Variants in SLC44A1 observed in about 807,000 individuals in gnomAD.
SLC44A1 encodes the protein solute carrier family 44 member 1, also known as choline transporter-like protein 1.
A neutral mutation model predicts 79.3 loss-of-function variants in SLC44A1; 26 were observed. The ratio of observed to expected loss-of-function variants is 0.33; its 90% CI spans 0.24 to 0.46. The LOEUF (loss-of-function observed/expected upper bound fraction) is 0.46. SLC44A1 is among the 20% of genes least tolerant of loss of function. The probability of loss-of-function intolerance (pLI) is 1.00; values close to 1 mark genes in which losing one functional copy is unlikely to be tolerated. For missense variants in SLC44A1, 688 were observed against 798.1 expected (o/e 0.86, Z 1.66); for synonymous variants, 263 against 286.2 (o/e 0.92, Z 0.82).
rs1826883456 is a variant in SLC44A1, at chr9:105,335,441, A to G, written c.270-122A>G. On this transcript the variant is annotated intron_variant, in intron 3 of 15. Transcript: ENST00000374720. ...GCAATTTTTTTAAAATGTATTTATG[A>G]TGAGATTTTTATCGTGGAGGAATGT... is the stretch of plus-strand genomic sequence containing the variant. The G allele has an allele frequency of 9.2e-6, 6 of 655,388 alleles. No individual in the cohort carries two copies. In the East Asian group the frequency reaches 1.7e-4, roughly 18 times the overall value. The allele number at this position is 655,388 out of a possible 1,614,324, so 40.6% of individuals were successfully genotyped here. A position where few individuals can be genotyped will look rare whatever the true frequency, so the allele number is the denominator to read the frequency against.
intron 5 of SLC44A1, among the ~76,000 whole-genome samples, chr9:105,353,924 T>G (rs1400027849): frequency 6.6e-6 from 1 of 151,950 alleles, no homozygotes; most frequent in South Asian, 2.1e-4. Context: ...GATATTAACT[T>G]GCAGAGATGG....
intron 2 of SLC44A1, among the ~76,000 whole-genome samples, chr9:105,305,480 G>A (rs1831003293): frequency 6.6e-6 from 1 of 152,128 alleles, no homozygotes; most frequent in South Asian, 2.1e-4. Context: ...GTTCTCAAAA[G>A]AGGCGAAACA....
chr9:105,298,547 G>A (rs563273321), intron 1 of SLC44A1, among the ~76,000 whole-genome samples: 18 of 151,864 alleles, frequency 1.2e-4, no homozygotes, highest in African/African-American at 4.1e-4. Flanking sequence ...ACGGGGTTTC[G>A]CCATGTTGGC....
At chr9:105,397,551 C>G (rs1051066649), downstream of SLC44A1, among the ~76,000 whole-genome samples, 4 of 152,162 alleles carry the variant, frequency 2.6e-5, no homozygotes, top group Non-Finnish European at 1.5e-5. Context: ...TTCTGAAGTA[C>G]AAAGTTCATC....
rs1184020583 is a variant in SLC44A1 at position 105,390,664 on chromosome 9, A to G, written c.*1608A>G. On this transcript the variant is annotated 3_prime_UTR_variant, in exon 16 of 16. Coordinates refer to ENST00000374720, the MANE Select transcript of SLC44A1 (RefSeq NM_080546.5). The stretch of plus-strand genomic sequence containing the variant: ...AGGTAAATTGTATTTTTTTTTAAGT[A>G]TTGGTGTTCTTTACTCTAGCTAGGC... The G allele has an allele frequency of 1.2e-5, 12 of 985,540 alleles. No homozygotes were observed. The highest frequency in any genetic ancestry group is 1.4e-5 in the Non-Finnish European group (12 of 829,752). 61.0% of individuals were successfully genotyped at this position (985,540 alleles called of 1,614,324 possible). A position where few individuals can be genotyped will look rare whatever the true frequency, so the allele number is the denominator to read the frequency against.
In SLC44A1 at chr9:105,393,408, T is replaced by A; in HGVS notation, c.*4352T>A. The stretch of plus-strand genomic sequence containing the variant: ...GCAAACTTAAAAAACAAAACAAAAA[T>A]TACACGTCGTGTACAGTTATGAATT... On this transcript the variant is annotated 3_prime_UTR_variant, in exon 16 of 16. Coordinates refer to ENST00000374720, the MANE Select transcript of SLC44A1 (RefSeq NM_080546.5). 1.0e-6 allele frequency: 1 copy of A among 985,250 alleles called. No homozygotes were observed. Among genetic ancestry groups the A allele is most frequent in the South Asian group, 4.7e-5 (1 of 21,288 alleles). 61.0% of individuals were successfully genotyped at this position (985,250 alleles called of 1,614,324 possible).
chr9:105,414,606 T>G (rs572908577), intron 15 of SLC44A1, among the ~76,000 whole-genome samples: 2 of 152,180 alleles, frequency 1.3e-5, no homozygotes, highest in Non-Finnish European at 2.9e-5. Flanking sequence ...AATTTTTAGA[T>G]AGTAATAGAT....
intron 3 of SLC44A1, among the ~76,000 whole-genome samples, chr9:105,319,630 T>C (rs746590701): frequency 1.2e-4 from 19 of 152,086 alleles, no homozygotes; most frequent in Non-Finnish European, 2.6e-4. Context: ...CTAAATAGTA[T>C]GTGGAGTGGT....
At chr9:105,419,340 T>A (rs1285987642) in intron 15 of SLC44A1, among the ~76,000 whole-genome samples, 1 of 152,226 alleles carries the variant, frequency 6.6e-6, no homozygotes, top group Non-Finnish European at 1.5e-5. Flanking sequence ...TTTATCTGTG[T>A]TTAATAAGCT....
intron 15 of SLC44A1, among the ~76,000 whole-genome samples, chr9:105,414,393 C>G (rs574305460): frequency 6.6e-6 from 1 of 152,132 alleles, no homozygotes; most frequent in Non-Finnish European, 1.5e-5. Context: ...GCATTTGGAT[C>G]GATGATTTTC....
chr9:105,366,640 A>G (rs546208246), intron 12 of SLC44A1, among the ~76,000 whole-genome samples: 1 of 152,146 alleles, frequency 6.6e-6, no homozygotes, highest in East Asian at 1.9e-4. Flanking sequence ...ATTTTTTCCA[A>G]CTTTTAGGTT....
At chr9:105,255,685 T>TA (rs1470142082) in intron 1 of SLC44A1, among the ~76,000 whole-genome samples, 1 of 152,042 alleles carries the variant, frequency 6.6e-6, no homozygotes, top group Non-Finnish European at 1.5e-5. Context: ...AAACAGCTGT[T>TA]AGAATCCAGA....
At chr9:105,297,152 G>A (rs543749699) in intron 1 of SLC44A1, among the ~76,000 whole-genome samples, 1 of 152,184 alleles carries the variant, frequency 6.6e-6, no homozygotes, top group East Asian at 1.9e-4. Flanking sequence ...GTGGGTGTTT[G>A]GGAACAAGCT....
At chr9:105,432,500 G>A (rs1465299501) in intron 15 of SLC44A1, among the ~76,000 whole-genome samples, 1 of 152,202 alleles carries the variant, frequency 6.6e-6, no homozygotes, top group African/African-American at 2.4e-5. Flanking sequence ...TGTAAAGAAG[G>A]GAAGCAGAGA....
chr9:105,383,004 G>A, intron 13 of SLC44A1, 119 bp from the exon 14 acceptor site: 1 of 680,864 alleles, frequency 1.5e-6, no homozygotes, highest in Non-Finnish European at 2.6e-6. Context: ...CATTTGAGAT[G>A]GAATGGCCTC....
At position 105,364,590 on chromosome 9, in the gene SLC44A1, T is replaced by C. The variant is rs754449376; in HGVS notation, c.1123T>C (p.Phe375Leu). The change falls in exon 10 of 16, where the codon TTC (phenylalanine) becomes CTC (leucine). Residue 375 changes from phenylalanine (F) to leucine (L), a missense_variant. Phe to Leu is a conservative substitution (Grantham distance 22, BLOSUM62 0). Coordinates refer to ENST00000374720, the MANE Select transcript of SLC44A1 (RefSeq NM_080546.5). ...TCAGAATGAGCAAGGCTTTGTGGAGTTCAAAATTTCTGGGCCTCTGCAGTA... is the reference window on the plus strand; with the variant it reads ...TCAGAATGAGCAAGGCTTTGTGGAGCTCAAAATTTCTGGGCCTCTGCAGTA... ...PVQNEQGFVEFKISGPLQYMW... is the reference protein window; with the variant it reads ...PVQNEQGFVELKISGPLQYMW... The C allele has an allele frequency of 2.5e-6, 4 of 1,613,872 alleles. No homozygotes were observed. The East Asian group carries it at 6.7e-5, about 27-fold the overall frequency.
intron 3 of SLC44A1, among the ~76,000 whole-genome samples, chr9:105,324,891 C>T (rs1340848832): frequency 2.6e-5 from 4 of 152,178 alleles, no homozygotes; most frequent in East Asian, 1.9e-4. Flanking sequence ...AGCCCTCATA[C>T]GTTGCTGCTG....
intron 15 of SLC44A1, chr9:105,386,486 A>G (rs1828628538): frequency 1.0e-6 from 1 of 962,906 alleles, no homozygotes. Context: ...GATTTATAGC[A>G]AGTTTGTCCA....
chr9:105,413,906 C>T (rs1263667674), intron 15 of SLC44A1, among the ~76,000 whole-genome samples: 2 of 151,924 alleles, frequency 1.3e-5, no homozygotes, highest in African/African-American at 4.8e-5. Flanking sequence ...TGTTGTAAAG[C>T]AGTATTGAGC....
Sources: gnomAD v4.1 joint callset for allele counts (sites outside exome capture counted in the v4.1 genomes callset) on GRCh38, gnomAD v4.1.1 for gene constraint, MANE v1.5 for transcripts, NCBI Gene and HGNC (gene_info 2026-07-23, HGNC 2026-07-21) for gene names.